The following ETFB variants were observed in gnomAD, a reference collection of about 807,000 sequenced individuals.
ETFB encodes the protein beta-ETF.
In ETFB, 20 loss-of-function variants were observed where a neutral mutation model predicts 25.6. The observed-to-expected ratio is 0.78, with a 90% confidence interval of 0.55 to 1.14. ETFB has a LOEUF of 1.14. Among genes scored for constraint, ETFB ranks in the 50% most tolerant of loss-of-function variants. ETFB has a pLI of 0.00. For missense variants in ETFB, 286 were observed against 342.6 expected (o/e 0.83, Z 1.30); for synonymous variants, 142 against 146.7 (o/e 0.97, Z 0.23).
In ETFB at chr19:51,366,258, G is replaced by A; in HGVS notation, c.57+12C>T. Reference sequence around the variant, plus strand: ...CGGGACTCAGGGATGTGGGAGAGGGGGGCCCGATCACCTTCACGGCGTAGT... The same window carrying A: ...CGGGACTCAGGGATGTGGGAGAGGGAGGCCCGATCACCTTCACGGCGTAGT... On this transcript the variant is annotated intron_variant, in intron 1 of 5. Coordinates refer to ENST00000309244, the MANE Select transcript of ETFB (RefSeq NM_001985.3). 1.9e-6 allele frequency: 3 copies of A among 1,613,694 alleles called. No individual in the cohort carries two copies. Among genetic ancestry groups the A allele is most frequent in the South Asian group, 2.2e-5 (2 of 91,076 alleles).
At chr19:51,358,016 G>C (rs1986125552) in intron 1 of ETFB, among the ~76,000 whole-genome samples, 1 of 152,200 alleles carries the variant, frequency 6.6e-6, no homozygotes, top group South Asian at 2.1e-4. Flanking sequence ...CTTCCAGTCA[G>C]TACATCAGCC....
chr19:51,345,996 C>T (rs1985768173), intron 5 of ETFB: 2 of 137,586 alleles, frequency 1.5e-5, no homozygotes, highest in South Asian at 1.9e-4. Flanking sequence ...GCTGAACCCT[C>T]CCTATAGGCT....
intron 1 of ETFB, among the ~76,000 whole-genome samples, chr19:51,363,660 G>T (rs1986282626): frequency 6.6e-6 from 1 of 152,090 alleles, no homozygotes; most frequent in Non-Finnish European, 1.5e-5. Flanking sequence ...TGTTGGCCTG[G>T]CTGGTCTCAA....
chr19:51,348,659 G>GTT, intron 4 of ETFB: 1 of 45,766 alleles, frequency 2.2e-5, no homozygotes. Flanking sequence ...GCGGTTTATT[G>GTT]TAGGTAAATA....
chr19:51,347,413 A>C (rs978903471), intron 4 of ETFB: 8 of 225,212 alleles, frequency 3.6e-5, no homozygotes, highest in Non-Finnish European at 7.2e-5. Flanking sequence ...TATTATCCCC[A>C]CTTTACAGAT....
In ETFB at chr19:51,350,434, C is replaced by T. The variant is rs769480387; in HGVS notation, c.376-43G>A. 13 of 1,040,430 alleles carry T rather than the reference C, an allele frequency of 1.2e-5. No individual in the cohort carries two copies. In the East Asian group the frequency reaches 2.4e-4, roughly 19 times the overall value. 64.4% of individuals were successfully genotyped at this position (1,040,430 alleles called of 1,614,324 possible). On this transcript the variant is annotated intron_variant, in intron 3 of 5. Transcript: ENST00000309244. ...GAAGACTGTATGACAATCAGTGGAG[C>T]TCATGGACCATTCAGGCCTCTGTCT...
At chr19:51,366,189 AC>A in intron 1 of ETFB, 80 bp downstream of exon 1, 1 of 1,377,014 alleles carries the variant, frequency 7.3e-7, no homozygotes, top group South Asian at 1.2e-5. Flanking sequence ...TTACGAGAAG[AC>A]CCCCACCCAG....
intron 1 of ETFB, among the ~76,000 whole-genome samples, chr19:51,362,742 G>A (rs544463177): frequency 7.2e-5 from 11 of 152,330 alleles, no homozygotes; most frequent in Admixed American, 4.6e-4. Context: ...ACAGCAGGAA[G>A]TGGACGCAGG....
In ETFB at chr19:51,354,288, C is replaced by G. The variant is rs564020088; in HGVS notation, c.78G>C (p.Arg26Ser). Residue 26 changes from arginine to serine, a missense_variant, in exon 2 of 6, where the codon AGG becomes AGC. Arg to Ser is a moderately radical substitution (Grantham distance 110). Coordinates refer to ENST00000309244, the MANE Select transcript of ETFB (RefSeq NM_001985.3). ...TCACACCATCCGTGACCACACCGGTCCTGTCAGGCTTCACTCGGATCTGCC... is the reference window on the plus strand; with the variant it reads ...TCACACCATCCGTGACCACACCGGTGCTGTCAGGCTTCACTCGGATCTGCC... ...YAVKIRVKPDRTGVVTDGVKH... is the reference protein window; with the variant it reads ...YAVKIRVKPDSTGVVTDGVKH... 6.2e-7 allele frequency: 1 copy of G among 1,614,194 alleles called. No individual in the cohort carries two copies. The highest frequency in any genetic ancestry group is 8.5e-7 in the Non-Finnish European group (1 of 1,180,048).
intron 4 of ETFB, among the ~76,000 whole-genome samples, chr19:51,348,687 A>T (rs2411325): frequency 0.86 from 129,519 of 151,384 alleles, 55,943 homozygotes; most frequent in African/African-American, 0.94. Flanking sequence ...GAAGCTGTTT[A>T]AAAAAAAAAC....
At chr19:51,353,499 C>T (rs2123588356) in intron 2 of ETFB, among the ~76,000 whole-genome samples, 1 of 2,646 alleles carries the variant, frequency 3.8e-4, no homozygotes, top group South Asian at 0.014. Flanking sequence ...GAGTCCGGGC[C>T]CCCATCCCCT....
At position 51,354,243 on chromosome 19, in the gene ETFB, G is replaced by T. The variant is rs1261822150; in HGVS notation, c.123C>A (p.Phe41Leu). The T allele has an allele frequency of 1.2e-6, 2 of 1,614,210 alleles. No individual in the cohort carries two copies. Reference protein sequence around the residue: ...TDGVKHSMNPFCEIAVEEAVR... With the variant: ...TDGVKHSMNPLCEIAVEEAVR... The stretch of plus-strand genomic sequence containing the variant: ...CAGCCTCCTCCACCGCGATCTCACA[G>T]AAGGGGTTCATGGAGTGCTTCACAC... The change falls in exon 2 of 6, where the codon TTC (phenylalanine) becomes TTA (leucine). Residue 41 changes from phenylalanine (F) to leucine (L), a missense_variant. By Grantham distance (22) the Phe-to-Leu change is conservative (BLOSUM62 0). Coordinates refer to ENST00000309244, the MANE Select transcript of ETFB (RefSeq NM_001985.3).
At chr19:51,357,276 G>A (rs1310382762) in intron 1 of ETFB, among the ~76,000 whole-genome samples, 1 of 150,758 alleles carries the variant, frequency 6.6e-6, no homozygotes, top group Non-Finnish European at 1.5e-5. Flanking sequence ...GTTTCACCAT[G>A]TTGGCCAGGC....
Position 51,361,416 on chromosome 19 carries a change from G to A in ETFB, c.57+4854C>T, listed in dbSNP as rs73934345. 5.8e-3 allele frequency among the ~76,000 whole-genome samples: 879 copies of A among 152,208 alleles called. 9 individuals are homozygous for A. The highest frequency in any genetic ancestry group is 0.031 in the South Asian group (148 of 4,826). ...CCCAGTGACAGATCACTAACTCGGC[G>A]GGGGGCAGACAGAGAACTCGTCCCT... On this transcript the variant is annotated intron_variant, in intron 1 of 5. Transcript: ENST00000309244.
At chr19:51,364,319 C>T (rs572686273) in intron 1 of ETFB, among the ~76,000 whole-genome samples, 1 of 152,262 alleles carries the variant, frequency 6.6e-6, no homozygotes, top group South Asian at 2.1e-4. Flanking sequence ...CTGAAAAGGA[C>T]ATCAACAGAC....
intron 1 of ETFB, among the ~76,000 whole-genome samples, chr19:51,361,176 C>T (rs1483426825): frequency 6.6e-6 from 1 of 152,128 alleles, no homozygotes; most frequent in African/African-American, 2.4e-5. Context: ...GGTGATCCGC[C>T]CACCTCGGCC....
Position 51,353,811 on chromosome 19 carries a change from C to G in ETFB, c.216+339G>C, listed in dbSNP as rs1985996466. On this transcript the variant is annotated intron_variant, in intron 2 of 5. Coordinates refer to ENST00000309244, the MANE Select transcript of ETFB (RefSeq NM_001985.3). ...GAGTCCAGGTCCCAGCCCCTCCTTC[C>G]TCAGACCCAGGAGTCCAGGGCCCCA... Among the ~76,000 whole-genome samples the G allele has an allele frequency of 4.7e-5, 3 of 63,226 alleles. 1 individual carries two copies. The highest frequency in any genetic ancestry group is 1.1e-4 in the Admixed American group (1 of 8,762). The allele number at this position is 63,226 out of a possible 152,430, so 41.5% of individuals were successfully genotyped here.
At chr19:51,355,723 A>T (rs1472543361) in intron 1 of ETFB, 4 of 152,082 alleles carry the variant, frequency 2.6e-5, no homozygotes, top group Non-Finnish European at 5.9e-5. Context: ...CTGGATTAAG[A>T]AAATGTGGCA....
chr19:51,354,084 G>A, intron 2 of ETFB, 66 bp downstream of exon 2: 1 of 1,553,474 alleles, frequency 6.4e-7, no homozygotes, highest in Non-Finnish European at 8.7e-7. Flanking sequence ...AGACCCAGGA[G>A]TCCAGGTCCC....
Sources: allele counts gnomAD v4.1 joint callset (sites outside exome capture counted in the v4.1 genomes callset), GRCh38; gene constraint gnomAD v4.1.1; transcripts MANE v1.5; gene names NCBI Gene and HGNC (gene_info 2026-07-23, HGNC 2026-07-21).